Variants in ZFHX3 observed in about 807,000 individuals in gnomAD.
ZFHX3 encodes the protein zinc finger homeobox protein 3.
Under a neutral mutation model 279.1 loss-of-function variants are expected in ZFHX3, and 42 were observed. The ratio of observed to expected loss-of-function variants is 0.15; its 90% CI spans 0.12 to 0.19. The LOEUF is 0.19. Ranked by LOEUF, ZFHX3 falls within the 10% of genes least tolerant of loss-of-function variation. The pLI, the probability that ZFHX3 is intolerant of heterozygous loss-of-function variation, is 1.00. For missense variants in ZFHX3, 4,981 were observed against 4,754.0 expected (o/e 1.05, Z -1.40); for synonymous variants, 2,293 against 1,957.8 (o/e 1.17, Z -4.52).
At chr16:73,326,589 T>C (rs1236167951) in intron 3 of ZFHX3, among the ~76,000 whole-genome samples, 1 of 152,162 alleles carries the variant, frequency 6.6e-6, no homozygotes, top group Non-Finnish European at 1.5e-5. Context: ...AGTAGTCTAG[T>C]GGTTGCCAAG....
At chr16:73,859,885 G>A (rs1334756314) in intron 1 of ZFHX3, among the ~76,000 whole-genome samples, 1 of 152,256 alleles carries the variant, frequency 6.6e-6, no homozygotes, top group East Asian at 1.9e-4. Flanking sequence ...GATAACATCC[G>A]ACGAAGTAAA....
intron 4 of ZFHX3, among the ~76,000 whole-genome samples, chr16:72,850,527 T>A (rs1372203800): frequency 6.6e-6 from 1 of 152,130 alleles, no homozygotes; most frequent in Non-Finnish European, 1.5e-5. Flanking sequence ...TTTAGGGACA[T>A]TGATTAGAGG....
At chr16:73,184,983 C>CTTT (rs11385082) in intron 5 of ZFHX3, among the ~76,000 whole-genome samples, 2 of 143,330 alleles carry the variant, frequency 1.4e-5, no homozygotes, top group African/African-American at 2.7e-5. Flanking sequence ...TGCACCATCT[C>CTTT]TTTTTTTTTT....
Position 73,571,248 on chromosome 16 carries a change from C to T in ZFHX3, c.-1547+108932G>A, listed in dbSNP as rs1006074063. 7.3e-5 allele frequency among the ~76,000 whole-genome samples: 11 copies of T among 151,478 alleles called. 1 individual carries two copies. Among genetic ancestry groups the T allele is most frequent in the Non-Finnish European group, 1.0e-4 (7 of 67,882 alleles). On this transcript the variant is annotated intron_variant, in intron 2 of 17. Transcript: ENST00000641206. ...TTGAAAATGCATTTTTTTCCTCATT[C>T]GCAGCATCTAGATATACCGCTCCTA...
At chr16:73,307,527 C>G (rs1313471483) in intron 4 of ZFHX3, among the ~76,000 whole-genome samples, 4 of 152,200 alleles carry the variant, frequency 2.6e-5, no homozygotes, top group African/African-American at 9.6e-5. Context: ...TCAAAACAGT[C>G]ACGCCAGTAG....
At position 73,516,594 on chromosome 16, in the gene ZFHX3, G is replaced by T. The variant is rs78485292; in HGVS notation, c.-1546-60336C>A. On this transcript the variant is annotated intron_variant, in intron 2 of 17. Coordinates refer to the ZFHX3 transcript ENST00000641206. ...CCCCTTCTCTGGAATAATATGTAGGGAACTAGGTATTTTCATGTGAGAATT... is the reference window on the plus strand; with the variant it reads ...CCCCTTCTCTGGAATAATATGTAGGTAACTAGGTATTTTCATGTGAGAATT... 7.9e-5 allele frequency among the ~76,000 whole-genome samples: 12 copies of T among 152,240 alleles called. No homozygotes were observed. The East Asian group carries it at 2.3e-3, about 29-fold the overall frequency.
At chr16:73,889,332 A>C (rs1253161094) in intron 1 of ZFHX3, among the ~76,000 whole-genome samples, 1 of 152,206 alleles carries the variant, frequency 6.6e-6, no homozygotes, top group Non-Finnish European at 1.5e-5. Context: ...GGGTGTAAGA[A>C]TGGGACACGA....
chr16:73,471,083 G>C (rs1178343628), intron 2 of ZFHX3, among the ~76,000 whole-genome samples: 1 of 152,098 alleles, frequency 6.6e-6, no homozygotes, highest in East Asian at 1.9e-4. Context: ...AAGTAATGTA[G>C]CACTTAATGT....
intron 3 of ZFHX3, among the ~76,000 whole-genome samples, chr16:73,342,377 A>G (rs962715753): frequency 1.2e-4 from 18 of 152,326 alleles, no homozygotes; most frequent in Admixed American, 5.2e-4. Flanking sequence ...TCACATGGCT[A>G]CATACTGAAG....
intron 1 of ZFHX3, chr16:73,813,900 T>A (rs1960492208): frequency 6.6e-6 from 1 of 152,256 alleles, no homozygotes; most frequent in Non-Finnish European, 1.5e-5. Flanking sequence ...TGGTTTTAAT[T>A]TGTAATATTT....
chr16:73,550,006 C>A (rs1190096814), intron 2 of ZFHX3, among the ~76,000 whole-genome samples: 1 of 151,770 alleles, frequency 6.6e-6, no homozygotes, highest in East Asian at 1.9e-4. Context: ...TTATCTTTAT[C>A]ATTTTCAAGC....
At chr16:72,918,876 T>G (rs1450582702) in intron 3 of ZFHX3, among the ~76,000 whole-genome samples, 1 of 151,996 alleles carries the variant, frequency 6.6e-6, no homozygotes, top group African/African-American at 2.4e-5. Flanking sequence ...TTTTGTATTT[T>G]TAGTAGAAAT....
Position 72,793,375 on chromosome 16 carries a change from T to C in ZFHX3, c.9307A>G (p.Asn3103Asp). The C allele has an allele frequency of 6.2e-7, 1 of 1,614,166 alleles. No homozygotes were observed. The highest frequency in any genetic ancestry group is 1.3e-5 in the African/African-American group (1 of 75,016). The change falls in exon 9 of 10, where the codon AAC becomes GAC. Residue 3103 changes from asparagine to aspartate, a missense_variant. Asn to Asp is a conservative substitution (Grantham distance 23). Transcript: ENST00000268489. This position sits in a 1 kb window ranked among gnomAD's most constrained non-coding sequence, Gnocchi z 4.3. ...AGGTTAAGGGCCTGAAGAGGGGTGT[T>C]GTCAAACATCCCTTGCTGCTGAGCT... Reference protein sequence around the residue: ...LAAQQQGMFDNTPLQALNLPT... With the variant: ...LAAQQQGMFDDTPLQALNLPT...
At chr16:73,249,517 T>A (rs118010503) in intron 5 of ZFHX3, among the ~76,000 whole-genome samples, 3,364 of 152,194 alleles carry the variant, frequency 0.022, 63 homozygotes, top group Middle Eastern at 0.089. Context: ...TATAAAGTTA[T>A]CAGATCTCAT....
rs34481194 is a variant in ZFHX3 at position 73,589,259 on chromosome 16, C to CAAA, written c.-1547+90918_-1547+90920dup. On this transcript the variant is annotated intron_variant, in intron 2 of 17. Transcript: ENST00000641206. ...TGGGCGACAGAGCAAGATTCTGTCT[C>CAAA]AAAAAAAAAAAAAAAAAAAAAAAAA... 3.0e-3 allele frequency among the ~76,000 whole-genome samples: 94 copies of CAAA among 30,950 alleles called. 6 individuals are homozygous for CAAA. Among genetic ancestry groups the CAAA allele is most frequent in the Non-Finnish European group, 3.9e-3 (74 of 18,840 alleles). The allele number at this position is 30,950 out of a possible 152,430, so 20.3% of individuals were successfully genotyped here.
chr16:73,851,127 AACGATTTTTTTC>A (rs1961584989), intron 1 of ZFHX3, among the ~76,000 whole-genome samples: 2 of 152,172 alleles, frequency 1.3e-5, no homozygotes, highest in African/African-American at 4.8e-5. Context: ...CATGGTTACG[AACGATTTTTTTC>A]TGCAAAGAGC....
At chr16:73,017,598 C>G (rs1334529148) in intron 1 of ZFHX3, among the ~76,000 whole-genome samples, 1 of 152,176 alleles carries the variant, frequency 6.6e-6, no homozygotes, top group Non-Finnish European at 1.5e-5. Context: ...ACCCACCCCT[C>G]TCTGGTCTTT....
chr16:73,245,374 A>G (rs2013249248), intron 5 of ZFHX3, among the ~76,000 whole-genome samples: 2 of 152,144 alleles, frequency 1.3e-5, no homozygotes, highest in South Asian at 2.1e-4. Context: ...GGCTCTAGCA[A>G]TCCTCCTGCC....
At chr16:73,766,876 A>T (rs2053951186) in intron 1 of ZFHX3, among the ~76,000 whole-genome samples, 1 of 151,916 alleles carries the variant, frequency 6.6e-6, no homozygotes, top group African/African-American at 2.4e-5. Flanking sequence ...ATCTCAGAGG[A>T]CATTTATGGT....
Sources: gnomAD v4.1 joint callset for allele counts (sites outside exome capture counted in the v4.1 genomes callset) on GRCh38, gnomAD v4.1.1 for gene constraint, Gnocchi (gnomAD v3.1) non-coding constraint, MANE v1.5 for transcripts, NCBI Gene and HGNC (gene_info 2026-07-23, HGNC 2026-07-21) for gene names.